The following PGR variants were observed in gnomAD, a reference collection of about 807,000 sequenced individuals.
PGR encodes progesterone receptor.
PGR carries 25 observed loss-of-function variants against 76.1 expected under a neutral mutation model. The ratio of observed to expected loss-of-function variants is 0.33; its 90% CI spans 0.24 to 0.46. PGR has a LOEUF of 0.46. Ranked by LOEUF, PGR falls within the 20% of genes least tolerant of loss-of-function variation. PGR has a pLI of 1.00. For synonymous variants in PGR, 579 were observed against 535.0 expected (o/e 1.08, Z -1.14); for missense variants, 1,172 against 1,225.3 (o/e 0.96, Z 0.65).
At chr11:101,090,233 A>G (rs539532929) in intron 3 of PGR, among the ~76,000 whole-genome samples, 1 of 152,308 alleles carries the variant, frequency 6.6e-6, no homozygotes, top group African/African-American at 2.4e-5. Flanking sequence ...ATATTAAAAG[A>G]TAACATAAAT....
chr11:101,091,495 G>A (rs140699018), intron 3 of PGR, among the ~76,000 whole-genome samples: 1 of 152,312 alleles, frequency 6.6e-6, no homozygotes, highest in African/African-American at 2.4e-5. Flanking sequence ...TGACAGGTCA[G>A]TACATTGCCC....
intron 2 of PGR, 126 bp from the exon 3 acceptor site, chr11:101,092,002 C>T (rs1861690309): frequency 1.5e-6 from 1 of 687,348 alleles, no homozygotes; most frequent in African/African-American, 1.8e-5. Context: ...AGCTTCCTGC[C>T]TGGCACAGCT....
chr11:101,075,621 C>CAAAAAAAAAA (rs147940136), intron 3 of PGR, among the ~76,000 whole-genome samples: 1 of 124,448 alleles, frequency 8.0e-6, no homozygotes, highest in African/African-American at 2.8e-5. Flanking sequence ...AACAAATTTA[C>CAAAAAAAAAA]AAAAAAAAAA....
chr11:101,069,881 C>T (rs1860859348), intron 3 of PGR, among the ~76,000 whole-genome samples: 1 of 151,902 alleles, frequency 6.6e-6, no homozygotes, highest in South Asian at 2.1e-4. Context: ...GGAGGGATAG[C>T]ACTAGTAGAA....
chr11:101,064,099 G>A (rs144253766), intron 3 of PGR: 1 of 152,200 alleles, frequency 6.6e-6, no homozygotes, highest in East Asian at 1.9e-4. Flanking sequence ...GAGAGGCCGA[G>A]GTGGGCAGAT....
chr11:101,087,061 T>G (rs1861523701), intron 3 of PGR, among the ~76,000 whole-genome samples: 1 of 152,198 alleles, frequency 6.6e-6, no homozygotes, highest in South Asian at 2.1e-4. Flanking sequence ...CCAACGACAT[T>G]TTTTCCAGAA....
chr11:101,082,826 A>C (rs1861355372), intron 3 of PGR, among the ~76,000 whole-genome samples: 1 of 152,210 alleles, frequency 6.6e-6, no homozygotes, highest in Non-Finnish European at 1.5e-5. Context: ...CAAAAAATAT[A>C]TTGGAATATT....
rs750494595 is a variant in PGR, at chr11:101,128,788, C to A, written c.283G>T (p.Gly95Cys). The part of the protein sequence containing the change: ...GAYSRAEATR[G>C]AGGSSSSPPE... The stretch of plus-strand genomic sequence containing the variant: ...GGACTAGAACTGCTGCCTCCAGCAC[C>A]CCTTGTAGCTTCAGCTCTGGAATAT... Residue 95 changes from glycine (G) to cysteine (C), a missense_variant, in exon 1 of 8, where the codon GGT becomes TGT. Physicochemically the swap from Gly to Cys is radical, Grantham distance 159. Transcript: ENST00000325455. 6.2e-7 allele frequency: 1 copy of A among 1,614,028 alleles called. No individual in the cohort carries two copies. The highest frequency in any genetic ancestry group is 8.5e-7 in the Non-Finnish European group (1 of 1,180,052).
rs548792381 is a variant in PGR, at chr11:101,127,449, T to A, written c.1622A>T (p.Tyr541Phe). 11 of 1,556,496 alleles carry A rather than the reference T, an allele frequency of 7.1e-6. No individual in the cohort carries two copies. In the Admixed American group the frequency reaches 2.0e-4, roughly 29 times the overall value. ...KEGLPQVYPP[Y>F]LNYLRPDSEA... The stretch of plus-strand genomic sequence containing the variant: ...GGGCCCTCACCTCAGGTAGTTGAGA[T>A]AGGGCGGGTAGACCTGCGGCAGGCC... The change falls in exon 1 of 8, where the codon TAT becomes TTT. Residue 541 changes from tyrosine (Y) to phenylalanine (F), a missense_variant. Tyr to Phe is a conservative substitution (Grantham distance 22). This residue lies in a region of PGR where 893 missense variants were observed against 785.9 expected (regional missense o/e 1.14). Transcript: ENST00000325455.
intron 4 of PGR, among the ~76,000 whole-genome samples, chr11:101,060,896 T>C (rs953983506): frequency 1.6e-4 from 24 of 152,302 alleles, no homozygotes; most frequent in African/African-American, 5.1e-4. Context: ...AAAGTCCTGA[T>C]AGATAACGGT....
chr11:101,126,833 CCA>C (rs983874694), intron 1 of PGR, among the ~76,000 whole-genome samples: 1 of 152,134 alleles, frequency 6.6e-6, no homozygotes, highest in Non-Finnish European at 1.5e-5. Flanking sequence ...GCGTTTAAAT[CCA>C]CAGTTTAAAC....
chr11:101,106,609 T>G (rs1361259558), intron 2 of PGR, among the ~76,000 whole-genome samples: 2 of 152,218 alleles, frequency 1.3e-5, no homozygotes, highest in East Asian at 3.8e-4. Context: ...GCTTTTACAC[T>G]GTTGGTGGGA....
Position 101,127,481 on chromosome 11 carries a change from G to A in PGR, c.1590C>T (p.Leu530=). 1 of 1,558,548 alleles carries A rather than the reference G, an allele frequency of 6.4e-7. No homozygotes were observed. Among genetic ancestry groups the A allele is most frequent in the Non-Finnish European group, 8.7e-7 (1 of 1,156,066 alleles). The part of the protein sequence containing the change: ...LPQLGYQAAV[L]KEGLPQVYPP... ...GGTAGACCTGCGGCAGGCCCTCCTTGAGCACGGCGGCCTGGTAGCCGAGCT... is the reference window on the plus strand; with the variant it reads ...GGTAGACCTGCGGCAGGCCCTCCTTAAGCACGGCGGCCTGGTAGCCGAGCT... Residue 530 remains leucine (L), a synonymous_variant, in exon 1 of 8, where the codon CTC becomes CTT. Coordinates refer to ENST00000325455, the MANE Select transcript of PGR (RefSeq NM_000926.4).
In PGR at chr11:101,128,511, C is replaced by T. The variant is rs775748482; in HGVS notation, c.560G>A (p.Arg187Gln). Reference sequence around the variant, plus strand: ...CAGCTGCCGGGCTGGTGACAGGCCCCGGGGCAGCACTTTATGGGCAGCTGC... The same window carrying T: ...CAGCTGCCGGGCTGGTGACAGGCCCTGGGGCAGCACTTTATGGGCAGCTGC... The part of the protein sequence containing the change: ...GTAAAHKVLP[R>Q]GLSPARQLLL... The change falls in exon 1 of 8, where the codon CGG (arginine) becomes CAG (glutamine). Residue 187 changes from arginine to glutamine, a missense_variant. Physicochemically the swap from Arg to Gln is conservative, Grantham distance 43. Around this residue, in one of 4 missense-constraint regions of PGR, gnomAD observed 893 missense variants for 785.9 expected, o/e 1.14. Coordinates refer to ENST00000325455, the MANE Select transcript of PGR (RefSeq NM_000926.4). 5.6e-6 allele frequency: 9 copies of T among 1,603,122 alleles called. No individual in the cohort carries two copies. The highest frequency in any genetic ancestry group is 1.7e-4 in the Middle Eastern group (1 of 6,050).
chr11:101,068,269 C>G (rs1860795140), intron 3 of PGR, among the ~76,000 whole-genome samples: 1 of 152,108 alleles, frequency 6.6e-6, no homozygotes, highest in Non-Finnish European at 1.5e-5. Context: ...CTCCCATTCA[C>G]AATTGCTACA....
At chr11:101,116,878 C>T (rs1862530832) in intron 2 of PGR, among the ~76,000 whole-genome samples, 2 of 151,832 alleles carry the variant, frequency 1.3e-5, no homozygotes, top group Admixed American at 6.6e-5. Context: ...AATTTTTTAC[C>T]CAGAATGATA....
intron 2 of PGR, among the ~76,000 whole-genome samples, chr11:101,101,057 A>T (rs1027272774): frequency 6.6e-6 from 1 of 152,164 alleles, no homozygotes; most frequent in African/African-American, 2.4e-5. Context: ...CTCCTTGGGG[A>T]AATGACTGAT....
chr11:101,048,824 CTTT>C (rs1859983742), intron 6 of PGR, among the ~76,000 whole-genome samples: 2 of 152,022 alleles, frequency 1.3e-5, no homozygotes, highest in Non-Finnish European at 2.9e-5. Context: ...CTTACCGTAA[CTTT>C]TTTACTTTAT....
At position 101,036,416 on chromosome 11, in the gene PGR, CA is replaced by C. The variant is rs1823509205; in HGVS notation, c.*2699del. 1 of 202,600 alleles carries C rather than the reference CA, an allele frequency of 4.9e-6. No homozygotes were observed. The highest frequency in any genetic ancestry group is 1.9e-4 in the South Asian group (1 of 5,270). 12.6% of individuals were successfully genotyped at this position (202,600 alleles called of 1,614,324 possible). A position where few individuals can be genotyped will look rare whatever the true frequency, so the allele number is the denominator to read the frequency against. Reference sequence around the variant, plus strand: ...TTTACAGAAAATATTTTCATTAACTCAAGAATCTATTTCAGTAACCTTCAAG... The same window carrying C: ...TTTACAGAAAATATTTTCATTAACTCAGAATCTATTTCAGTAACCTTCAAG... On this transcript the variant is annotated 3_prime_UTR_variant, in exon 8 of 8. Coordinates refer to ENST00000325455, the MANE Select transcript of PGR (RefSeq NM_000926.4).
Sources: gnomAD v4.1 joint callset for allele counts (sites outside exome capture counted in the v4.1 genomes callset) on GRCh38, gnomAD v4.1.1 for gene constraint, gnomAD v4.1.1 regional missense constraint, MANE v1.5 for transcripts, NCBI Gene and HGNC (gene_info 2026-07-23, HGNC 2026-07-21) for gene names.